Variants in ZNF708 observed in about 807,000 individuals in gnomAD.
The protein encoded by ZNF708 is zinc finger protein 708.
ZNF708 carries 44 observed loss-of-function variants against 47.0 expected under a neutral mutation model. The ratio of observed to expected loss-of-function variants is 0.94; its 90% confidence interval spans 0.74 to 1.20. The LOEUF is 1.20. ZNF708 is among the 50% of genes most tolerant of loss of function. The probability of loss-of-function intolerance (pLI) is 0.00; values close to 1 mark genes in which losing one functional copy is unlikely to be tolerated. For synonymous variants in ZNF708, 184 were observed against 218.5 expected, an observed-to-expected ratio of 0.84 and a Z score of 1.39; for missense variants, 557 against 656.0, an observed-to-expected ratio of 0.85 and a Z score of 1.65.
At chr19:21,326,264 G>A (rs1047315624) in intron 1 of ZNF708, among the ~76,000 whole-genome samples, 5 of 152,148 alleles carry the variant, frequency 3.3e-5, no homozygotes, top group East Asian at 1.9e-4. Flanking sequence ...ACTTGCACAC[G>A]CATGTTCATA....
intron 3 of ZNF708, among the ~76,000 whole-genome samples, chr19:21,298,685 G>T (rs1187636201): frequency 6.6e-6 from 1 of 152,120 alleles, no homozygotes; most frequent in Non-Finnish European, 1.5e-5. Context: ...TGAATATAAA[G>T]ATAAGAAAGT....
intron 1 of ZNF708, among the ~76,000 whole-genome samples, chr19:21,320,757 T>C: frequency 9.7e-6 from 1 of 103,422 alleles, no homozygotes; most frequent in African/African-American, 4.1e-5. Flanking sequence ...CATGAAATAC[T>C]CTCTGGCCAT....
intron 3 of ZNF708, among the ~76,000 whole-genome samples, chr19:21,299,546 T>C (rs183825081): frequency 6.7e-6 from 1 of 149,886 alleles, no homozygotes; most frequent in Admixed American, 6.7e-5. Context: ...AAATCAGGAG[T>C]TCAAGACCAG....
intron 1 of ZNF708, among the ~76,000 whole-genome samples, chr19:21,319,184 A>G (rs1195831126): frequency 6.6e-6 from 1 of 152,162 alleles, no homozygotes; most frequent in African/African-American, 2.4e-5. Context: ...ATATGAATGT[A>G]TGTTGTCTAA....
chr19:21,323,685 C>A (rs908403790), intron 1 of ZNF708, among the ~76,000 whole-genome samples: 1 of 152,106 alleles, frequency 6.6e-6, no homozygotes, highest in Non-Finnish European at 1.5e-5. Flanking sequence ...TTCAGTAAGA[C>A]CCTCCCAATC....
At chr19:21,307,597 G>A (rs1240015564) in intron 3 of ZNF708, among the ~76,000 whole-genome samples, 1 of 152,020 alleles carries the variant, frequency 6.6e-6, no homozygotes, top group Admixed American at 6.6e-5. Context: ...ACTACAGCCT[G>A]GGTGACAGAG....
intron 1 of ZNF708, among the ~76,000 whole-genome samples, chr19:21,314,645 A>T (rs1224602482): frequency 1.3e-5 from 2 of 152,188 alleles, no homozygotes; most frequent in African/African-American, 4.8e-5. Flanking sequence ...TAATGGCCAT[A>T]TAAAATTATA....
chr19:21,325,013 A>T (rs1165494479), intron 1 of ZNF708, among the ~76,000 whole-genome samples: 1 of 152,144 alleles, frequency 6.6e-6, no homozygotes, highest in Admixed American at 6.6e-5. Flanking sequence ...TTGAAATTTT[A>T]TTGGAAATTA....
intron 1 of ZNF708, among the ~76,000 whole-genome samples, chr19:21,322,365 A>G (rs1244773448): frequency 1.3e-5 from 2 of 151,048 alleles, no homozygotes; most frequent in Non-Finnish European, 2.9e-5. Flanking sequence ...GCAGTGGCGC[A>G]ATCTTGGCTC....
At chr19:21,308,601 G>A (rs1972835904) in intron 3 of ZNF708, among the ~76,000 whole-genome samples, 1 of 151,948 alleles carries the variant, frequency 6.6e-6, no homozygotes, top group South Asian at 2.1e-4. Context: ...TTAAGAGACA[G>A]GGTCTCCTTA....
chr19:21,309,011 T>C (rs574496276), intron 3 of ZNF708, among the ~76,000 whole-genome samples: 1 of 152,120 alleles, frequency 6.6e-6, no homozygotes, highest in Non-Finnish European at 1.5e-5. Flanking sequence ...TTATATGCCA[T>C]GAAGAGGACT....
Position 21,294,405 on chromosome 19 carries a change from C to T in ZNF708, c.561G>A (p.Glu187=), listed in dbSNP as rs773406111. 3 of 1,613,998 alleles carry T rather than the reference C, an allele frequency of 1.9e-6. No individual in the cohort carries two copies. In the African/African-American group the frequency reaches 4.0e-5, roughly 22 times the overall value. The change falls in exon 4 of 4, where the codon GAG becomes GAA. Residue 187 remains glutamate (E), a synonymous_variant. Coordinates refer to ENST00000356929, the MANE Select transcript of ZNF708 (RefSeq NM_021269.3). ...FCMLSQLTQH[E]IIHTGEKPYK... ...AGGGTTTTTCTCCAGTATGAATTATCTCATGTTGAGTTAGTTGTGAAAGCA... is the reference window on the plus strand; with the variant it reads ...AGGGTTTTTCTCCAGTATGAATTATTTCATGTTGAGTTAGTTGTGAAAGCA...
chr19:21,310,554 T>C lies in ZNF708; in HGVS notation c.77A>G (p.Gln26Arg), dbSNP rs770487732. ...TAACATGACATTCCTATATAAATTC[T>C]GCTGTGCTGTGTCCAGGCACTGCCA... is the stretch of plus-strand genomic sequence containing the variant. ...EEWQCLDTAQQNLYRNVMLEN... is the reference protein window; with the variant it reads ...EEWQCLDTAQRNLYRNVMLEN... The change falls in exon 2 of 4, where the codon CAG becomes CGG. Residue 26 changes from glutamine (Q) to arginine (R), a missense_variant. Gln to Arg is a conservative substitution (Grantham distance 43). Coordinates refer to ENST00000356929, the MANE Select transcript of ZNF708 (RefSeq NM_021269.3). The C allele has an allele frequency of 4.0e-6, 6 of 1,506,252 alleles. No homozygotes were observed. Among genetic ancestry groups the C allele is most frequent in the Non-Finnish European group, 5.3e-6 (6 of 1,123,802 alleles). The allele number at this position is 1,506,252 out of a possible 1,614,324, so 93.3% of individuals were successfully genotyped here.
chr19:21,298,500 T>A (rs565438611), intron 3 of ZNF708, among the ~76,000 whole-genome samples: 1 of 152,168 alleles, frequency 6.6e-6, no homozygotes, highest in African/African-American at 2.4e-5. Context: ...TTTAATGTAA[T>A]GTCTTTCAAA....
At chr19:21,301,411 G>A (rs555598620) in intron 3 of ZNF708, among the ~76,000 whole-genome samples, 1 of 151,764 alleles carries the variant, frequency 6.6e-6, no homozygotes, top group Non-Finnish European at 1.5e-5. Context: ...TCAGGAGTTT[G>A]AGACCAGCCT....
chr19:21,311,933 T>C (rs958822009), intron 1 of ZNF708, among the ~76,000 whole-genome samples: 1 of 152,102 alleles, frequency 6.6e-6, no homozygotes, highest in Non-Finnish European at 1.5e-5. Context: ...ACTTAACTCT[T>C]ATGAATGTAT....
intron 3 of ZNF708, among the ~76,000 whole-genome samples, chr19:21,303,170 AG>A (rs1972693187): frequency 6.6e-6 from 1 of 152,124 alleles, no homozygotes; most frequent in Non-Finnish European, 1.5e-5. Flanking sequence ...GAGGATCATC[AG>A]AGTTTGGAAA....
At chr19:21,326,563 T>C (rs931276809) in intron 1 of ZNF708, among the ~76,000 whole-genome samples, 6 of 151,462 alleles carry the variant, frequency 4.0e-5, no homozygotes, top group Non-Finnish European at 7.4e-5. Context: ...AGGGGAAGAG[T>C]GGAAGGGGGA....
chr19:21,328,226 C>T (rs568648886), intron 1 of ZNF708: 1 of 154,582 alleles, frequency 6.5e-6, no homozygotes, highest in African/African-American at 2.4e-5. Flanking sequence ...AATACAGTGT[C>T]AGGGAATTAT....
Sources: gnomAD v4.1 joint callset for allele counts (sites outside exome capture counted in the v4.1 genomes callset) on GRCh38, gnomAD v4.1.1 for gene constraint, MANE v1.5 for transcripts, NCBI Gene and HGNC (gene_info 2026-07-23, HGNC 2026-07-21) for gene names.